The following STX18 variants were observed in gnomAD, a reference collection of about 807,000 sequenced individuals.
STX18 encodes syntaxin 18.
STX18 carries 40 observed loss-of-function variants against 50.1 expected under a neutral mutation model. The ratio of observed to expected loss-of-function variants is 0.80; its 90% CI spans 0.62 to 1.04. The LOEUF (loss-of-function observed/expected upper bound fraction) is 1.04. Ranked by LOEUF, STX18 falls within the 50% of genes least tolerant of loss-of-function variation. The pLI, the probability that STX18 is intolerant of heterozygous loss-of-function variation, is 0.00. For synonymous variants in STX18, 158 were observed against 151.8 expected, an observed-to-expected ratio of 1.04 and a Z score of -0.30; for missense variants, 410 against 415.8, an observed-to-expected ratio of 0.99 and a Z score of 0.12.
intron 1 of STX18, among the ~76,000 whole-genome samples, chr4:4,508,914 T>C (rs373373321): frequency 5.9e-5 from 9 of 152,358 alleles, no homozygotes; most frequent in African/African-American, 1.7e-4. Flanking sequence ...TATGGCTGCA[T>C]AGTATTTCAT....
chr4:4,519,011 T>A (rs1025046597), intron 1 of STX18, among the ~76,000 whole-genome samples: 1 of 152,198 alleles, frequency 6.6e-6, no homozygotes, highest in Non-Finnish European at 1.5e-5. Flanking sequence ...GCACTCCAAG[T>A]GGGTTGTGTG....
chr4:4,529,634 C>A (rs1396268438), intron 1 of STX18, among the ~76,000 whole-genome samples: 2 of 152,216 alleles, frequency 1.3e-5, no homozygotes, highest in Non-Finnish European at 2.9e-5. Flanking sequence ...GCTGGGGAGG[C>A]AGCAGGCAAC....
intron 9 of STX18, among the ~76,000 whole-genome samples, chr4:4,421,393 G>A (rs1198441315): frequency 6.6e-6 from 1 of 151,984 alleles, no homozygotes; most frequent in African/African-American, 2.4e-5. Flanking sequence ...TGGGAGTATA[G>A]GCATGTGCCA....
chr4:4,469,821 A>G (rs1444493050), intron 2 of STX18, among the ~76,000 whole-genome samples: 1 of 152,148 alleles, frequency 6.6e-6, no homozygotes, highest in African/African-American at 2.4e-5. Flanking sequence ...TTTCTCTATG[A>G]CAGGTGGAAA....
chr4:4,437,687 CT>C, intron 6 of STX18: 1 of 920,766 alleles, frequency 1.1e-6, no homozygotes, highest in Non-Finnish European at 1.3e-6. Flanking sequence ...ACTCCCAGGT[CT>C]CTCCTGGCTC....
At chr4:4,539,348 G>A (rs1180879790) in intron 1 of STX18, among the ~76,000 whole-genome samples, 3 of 152,132 alleles carry the variant, frequency 2.0e-5, no homozygotes, top group African/African-American at 2.4e-5. Context: ...TTCTCTATAA[G>A]GAATCCAGGC....
At chr4:4,427,156 A>C (rs4348043) in intron 7 of STX18, among the ~76,000 whole-genome samples, 3 of 151,986 alleles carry the variant, frequency 2.0e-5, no homozygotes, top group African/African-American at 7.3e-5. Flanking sequence ...CACACATGAC[A>C]GAACACCAGT....
intron 5 of STX18, among the ~76,000 whole-genome samples, chr4:4,443,387 G>A (rs1726221900): frequency 1.3e-5 from 2 of 152,228 alleles, no homozygotes; most frequent in African/African-American, 2.4e-5. Context: ...GGAAAAGCAT[G>A]TATAGAAGGG....
At chr4:4,510,154 A>G (rs1164326346) in intron 1 of STX18, among the ~76,000 whole-genome samples, 1 of 152,214 alleles carries the variant, frequency 6.6e-6, no homozygotes, top group Non-Finnish European at 1.5e-5. Context: ...GGTGCCTACT[A>G]TGTGTCAACT....
At chr4:4,493,015 T>A (rs1371720178) in intron 1 of STX18, among the ~76,000 whole-genome samples, 1 of 152,198 alleles carries the variant, frequency 6.6e-6, no homozygotes, top group African/African-American at 2.4e-5. Context: ...TCTGATTCCA[T>A]TATATTTTTA....
At chr4:4,538,939 C>T (rs1472319130) in intron 1 of STX18, among the ~76,000 whole-genome samples, 1 of 152,112 alleles carries the variant, frequency 6.6e-6, no homozygotes, top group African/African-American at 2.4e-5. Flanking sequence ...TCGTTACTCT[C>T]CATTTGTAAT....
At chr4:4,432,042 A>G (rs1227609834) in intron 7 of STX18, among the ~76,000 whole-genome samples, 1 of 152,262 alleles carries the variant, frequency 6.6e-6, no homozygotes, top group East Asian at 1.9e-4. Flanking sequence ...AAAGGAAGGC[A>G]AGGACCTTGC....
chr4:4,481,878 G>C (rs1337076744), intron 1 of STX18, among the ~76,000 whole-genome samples: 1 of 152,148 alleles, frequency 6.6e-6, no homozygotes, highest in Non-Finnish European at 1.5e-5. Flanking sequence ...AGTTTGTTGA[G>C]GGAATACATA....
chr4:4,449,505 A>C (rs1012674945), intron 5 of STX18, among the ~76,000 whole-genome samples: 1 of 152,116 alleles, frequency 6.6e-6, no homozygotes, highest in African/African-American at 2.4e-5. Flanking sequence ...AACACACAAT[A>C]ATGTGTCACT....
chr4:4,495,589 C>T (rs1323173509), intron 1 of STX18, among the ~76,000 whole-genome samples: 10 of 136,334 alleles, frequency 7.3e-5, no homozygotes, highest in East Asian at 2.1e-4. Flanking sequence ...TTTTGAGAGA[C>T]GAGGTCTTGC....
intron 2 of STX18, among the ~76,000 whole-genome samples, chr4:4,468,334 C>A (rs979964441): frequency 6.6e-6 from 1 of 152,128 alleles, no homozygotes; most frequent in East Asian, 1.9e-4. Flanking sequence ...CTGGAAGTTG[C>A]AGGGGCTAAC....
intron 1 of STX18, among the ~76,000 whole-genome samples, chr4:4,491,601 G>A (rs533819657): frequency 2.0e-5 from 3 of 152,156 alleles, no homozygotes; most frequent in East Asian, 1.9e-4. Flanking sequence ...CACTGGAAAC[G>A]ATTTATGCTG....
rs185247686 is a variant in STX18, at chr4:4,486,180, T to G, written c.169-14474A>C. Among the ~76,000 whole-genome samples, 36 of 152,348 alleles carry G rather than the reference T, an allele frequency of 2.4e-4. No individual in the cohort carries two copies. The East Asian group carries it at 4.4e-3, about 19-fold the overall frequency. ...GATAATTTTTGGGTGTTCAATCAATTTGAAAGCTCCTACCACCAACCCCGT... is the reference window on the plus strand; with the variant it reads ...GATAATTTTTGGGTGTTCAATCAATGTGAAAGCTCCTACCACCAACCCCGT... On this transcript the variant is annotated intron_variant, in intron 1 of 10. Transcript: ENST00000306200.
intron 1 of STX18, among the ~76,000 whole-genome samples, chr4:4,494,716 C>T (rs999768074): frequency 6.6e-5 from 10 of 152,144 alleles, no homozygotes; most frequent in Admixed American, 3.9e-4. Context: ...AAATGCTTTG[C>T]GCAGGTTACA....
Sources: allele counts gnomAD v4.1 joint callset (sites outside exome capture counted in the v4.1 genomes callset), GRCh38; gene constraint gnomAD v4.1.1; transcripts MANE v1.5; gene names NCBI Gene and HGNC (gene_info 2026-07-23, HGNC 2026-07-21).